Variants in GPC3 observed in about 807,000 individuals in gnomAD.
GPC3 encodes the protein glypican 3.
In GPC3, 3 loss-of-function variants were observed where a neutral mutation model predicts 34.4. The ratio of observed to expected loss-of-function variants is 0.09; its 90% confidence interval spans 0.04 to 0.23. The LOEUF (loss-of-function observed/expected upper bound fraction) is 0.23. GPC3 is among the 10% of genes least tolerant of loss of function. The probability of loss-of-function intolerance (pLI) is 1.00; values close to 1 mark genes in which losing one functional copy is unlikely to be tolerated. For missense variants in GPC3, 351 were observed against 445.6 expected, an observed-to-expected ratio of 0.79 and a Z score of 1.91; for synonymous variants, 177 against 174.0, an observed-to-expected ratio of 1.02 and a Z score of -0.13.
intron 2 of GPC3, among the ~76,000 whole-genome samples, chrX:133,864,405 T>C (rs1390294155): frequency 8.9e-6 from 1 of 111,834 alleles, no homozygotes; most frequent in Non-Finnish European, 1.9e-5. Flanking sequence ...CCTGGAAGGC[T>C]CACATTAACT....
intron 1 of GPC3, among the ~76,000 whole-genome samples, chrX:133,978,714 GTTCA>G (rs1258185478): frequency 8.9e-6 from 1 of 111,782 alleles, no homozygotes; most frequent in African/African-American, 3.2e-5. Context: ...TTCTAACTCC[GTTCA>G]TTCATTCAGT....
intron 6 of GPC3, 80 bp downstream of exon 6, chrX:133,661,626 CTCTCTCTCCCCCCCCCCTCTCTCT>C (rs2070725178): frequency 4.3e-5 from 1 of 23,153 alleles, no homozygotes; most frequent in African/African-American, 3.0e-4. Flanking sequence ...CTCTCTCTCT[CTCTCTCTCCCCCCCCCCTCTCTCT>C]CCCCCTCTCT....
chrX:133,761,279 T>A (rs2071787765), intron 2 of GPC3, among the ~76,000 whole-genome samples: 1 of 112,541 alleles, frequency 8.9e-6, no homozygotes, highest in Non-Finnish European at 1.9e-5. Context: ...AAGAAAAGCC[T>A]CACATTTTAA....
chrX:133,697,220 G>C (rs1192607327), intron 4 of GPC3, among the ~76,000 whole-genome samples: 2 of 112,136 alleles, frequency 1.8e-5, no homozygotes, highest in Non-Finnish European at 3.8e-5. Context: ...TTCTCTTCAT[G>C]TAAAGTAATA....
At chrX:133,935,613 A>T (rs769462360) in intron 2 of GPC3, among the ~76,000 whole-genome samples, 1 of 111,464 alleles carries the variant, frequency 9.0e-6, no homozygotes, top group South Asian at 3.8e-4. Flanking sequence ...AATGATTTGC[A>T]GTGCTCACGT....
At chrX:133,687,567 C>T (rs1277688584) in intron 5 of GPC3, among the ~76,000 whole-genome samples, 1 of 106,348 alleles carries the variant, frequency 9.4e-6, no homozygotes, top group African/African-American at 3.4e-5. Flanking sequence ...ACTACGGGTA[C>T]CTGCCACGAC....
intron 1 of GPC3, among the ~76,000 whole-genome samples, chrX:133,955,110 C>T (rs1486389985): frequency 9.0e-6 from 1 of 111,035 alleles, no homozygotes; most frequent in African/African-American, 3.3e-5. Flanking sequence ...CATCTCAGAT[C>T]TTCTACTGTG....
intron 2 of GPC3, among the ~76,000 whole-genome samples, chrX:133,910,524 T>C (rs747145447): frequency 8.9e-6 from 1 of 112,221 alleles, no homozygotes; most frequent in African/African-American, 3.2e-5. Flanking sequence ...AATGGAAATT[T>C]TGGACTAAAT....
At position 133,827,014 on chromosome X, in the gene GPC3, A is replaced by G. The variant is rs372167606; in HGVS notation, c.338-72838T>C. ...AAGATTCCATTTTGGGGTGATGAAA[A>G]TGTTTTGGGAGTAGATAGAGGTGGT... On this transcript the variant is annotated intron_variant, in intron 2 of 7. Transcript: ENST00000370818. Among the ~76,000 whole-genome samples, 314 of 112,203 alleles carry G rather than the reference A, an allele frequency of 2.8e-3. 2 individuals are homozygous for G. Among genetic ancestry groups the G allele is most frequent in the South Asian group, 0.012 (32 of 2,667 alleles).
chrX:133,803,073 T>C (rs1341541302), intron 2 of GPC3, among the ~76,000 whole-genome samples: 1 of 108,989 alleles, frequency 9.2e-6, no homozygotes, highest in Non-Finnish European at 1.9e-5. Context: ...ATTACAGGCA[T>C]GCGCCACCAC....
At chrX:133,869,778 C>A (rs1603263511) in intron 2 of GPC3, among the ~76,000 whole-genome samples, 1 of 109,812 alleles carries the variant, frequency 9.1e-6, no homozygotes, top group East Asian at 2.8e-4. Flanking sequence ...ACGGTGAAAC[C>A]CCGTCTCTAC....
chrX:133,671,376 C>T (rs997991449), intron 5 of GPC3: 2 of 556,911 alleles, frequency 3.6e-6, no homozygotes, highest in East Asian at 3.3e-5. Flanking sequence ...GGCAAAAAGT[C>T]GAAGAAGTAA....
intron 6 of GPC3, among the ~76,000 whole-genome samples, chrX:133,621,498 G>C (rs1374374123): frequency 8.9e-6 from 1 of 112,282 alleles, no homozygotes; most frequent in Non-Finnish European, 1.9e-5. Flanking sequence ...CACACCAGGA[G>C]ATTATATCCC....
intron 5 of GPC3, among the ~76,000 whole-genome samples, chrX:133,686,770 C>T (rs901230660): frequency 3.5e-5 from 3 of 85,963 alleles, no homozygotes; most frequent in African/African-American, 1.8e-4. Flanking sequence ...TTTACCTCAA[C>T]ACACACACAC....
chrX:133,950,383 C>T (rs764559041), intron 2 of GPC3, among the ~76,000 whole-genome samples: 1 of 111,964 alleles, frequency 8.9e-6, no homozygotes, highest in Admixed American at 9.5e-5. Flanking sequence ...AAGGATTGCT[C>T]GTGGAACTGT....
At chrX:133,751,054 C>A (rs1168634223) in intron 3 of GPC3, among the ~76,000 whole-genome samples, 1 of 104,236 alleles carries the variant, frequency 9.6e-6, no homozygotes, top group Non-Finnish European at 2.0e-5. Flanking sequence ...GCCTGGGCGA[C>A]AGAGCGAGAC....
intron 7 of GPC3, among the ~76,000 whole-genome samples, chrX:133,567,411 A>C: frequency 8.9e-6 from 1 of 112,450 alleles, no homozygotes; most frequent in Middle Eastern, 4.7e-3. Context: ...CCCCATGAAC[A>C]GCATCCTCTG....
At chrX:133,780,128 C>G (rs1053224993) in intron 2 of GPC3, among the ~76,000 whole-genome samples, 1 of 111,489 alleles carries the variant, frequency 9.0e-6, no homozygotes, top group African/African-American at 3.3e-5. Flanking sequence ...TAGGTTTGAT[C>G]TTGTAAGCTA....
intron 7 of GPC3, among the ~76,000 whole-genome samples, chrX:133,595,759 C>T (rs1207074885): frequency 9.0e-6 from 1 of 111,382 alleles, no homozygotes; most frequent in African/African-American, 3.3e-5. Flanking sequence ...AGGTGATTCT[C>T]CCACCTCAGC....
Sources: allele counts gnomAD v4.1 joint callset (sites outside exome capture counted in the v4.1 genomes callset), GRCh38; gene constraint gnomAD v4.1.1; transcripts MANE v1.5; gene names NCBI Gene and HGNC (gene_info 2026-07-23, HGNC 2026-07-21).